KIF13A: variants seen among roughly 807,000 people sequenced by gnomAD.
The protein encoded by KIF13A is kinesin-like protein KIF13A.
A neutral mutation model predicts 212.2 loss-of-function variants in KIF13A; 79 were observed. The ratio of observed to expected loss-of-function variants is 0.37; its 90% CI spans 0.31 to 0.45. KIF13A has a LOEUF of 0.45. Among genes scored for constraint, KIF13A ranks in the 20% least tolerant of loss-of-function variants. The pLI is 1.00. For missense variants in KIF13A, 1,901 were observed against 2,209.0 expected (o/e 0.86, Z 2.79); for synonymous variants, 789 against 808.6 (o/e 0.98, Z 0.41).
At chr6:17,835,912 A>G (rs997787933) in intron 11 of KIF13A, among the ~76,000 whole-genome samples, 11 of 151,870 alleles carry the variant, frequency 7.2e-5, no homozygotes, top group African/African-American at 2.4e-4. Flanking sequence ...TACTCTCCCA[A>G]CTACAGTGGG....
intron 2 of KIF13A, among the ~76,000 whole-genome samples, chr6:17,923,274 C>CTAAA (rs34093488): frequency 0.011 from 1,614 of 145,502 alleles, 8 homozygotes; most frequent in Middle Eastern, 0.018. Context: ...AACACTGTCC[C>CTAAA]TAAATAAATA....
At chr6:17,913,290 TCA>T (rs1774232157) in intron 2 of KIF13A, among the ~76,000 whole-genome samples, 1 of 152,122 alleles carries the variant, frequency 6.6e-6, no homozygotes, top group Non-Finnish European at 1.5e-5. Flanking sequence ...TTTGGGAAAC[TCA>T]CAGAATTTTC....
At chr6:17,976,680 G>T (rs1355163393) in intron 2 of KIF13A, among the ~76,000 whole-genome samples, 1 of 152,196 alleles carries the variant, frequency 6.6e-6, no homozygotes, top group Non-Finnish European at 1.5e-5. Flanking sequence ...CCGCCAAAGT[G>T]GGAGCTCAGG....
chr6:17,915,299 A>G lies in KIF13A; in HGVS notation c.147-17119T>C, dbSNP rs1561756854. Reference sequence around the variant, plus strand: ...TCCATTCTTGCCTCCACCACTTTGTAGGGACCTTGGACCTGGTGCTTAAGC... The same window carrying G: ...TCCATTCTTGCCTCCACCACTTTGTGGGGACCTTGGACCTGGTGCTTAAGC... On this transcript the variant is annotated intron_variant, in intron 2 of 38. Coordinates refer to ENST00000259711, the MANE Select transcript of KIF13A (RefSeq NM_022113.6). This position sits in a 1 kb window ranked among gnomAD's most constrained non-coding sequence, Gnocchi z 4.4. Among the ~76,000 whole-genome samples, 1 of 152,190 alleles carries G rather than the reference A, an allele frequency of 6.6e-6. No homozygotes were observed.
rs894732130 is a variant in KIF13A, at chr6:17,975,533, T to C, written c.146+11521A>G. On this transcript the variant is annotated intron_variant, in intron 2 of 38. Transcript: ENST00000259711. ...AAAAGGGAGCAGCAACATAATTCAT[T>C]GCAAAGACCAAAAGAAAAAAAAGCT... Among the ~76,000 whole-genome samples, 4 of 152,120 alleles carry C rather than the reference T, an allele frequency of 2.6e-5. No homozygotes were observed. The South Asian group carries it at 8.3e-4, about 32-fold the overall frequency.
chr6:17,925,511 T>C (rs1775424018), intron 2 of KIF13A, among the ~76,000 whole-genome samples: 2 of 152,340 alleles, frequency 1.3e-5, no homozygotes, highest in East Asian at 1.9e-4. Context: ...TTATTCACTG[T>C]CTTGTGTGGA....
chr6:17,952,026 G>T (rs759793043), intron 2 of KIF13A, among the ~76,000 whole-genome samples: 2 of 152,030 alleles, frequency 1.3e-5, no homozygotes, highest in East Asian at 1.9e-4. Context: ...ATAGTTTGCC[G>T]GGCGTGGTGG....
At chr6:17,824,080 G>C (rs572992507) in intron 16 of KIF13A, among the ~76,000 whole-genome samples, 20 of 151,876 alleles carry the variant, frequency 1.3e-4, no homozygotes, top group African/African-American at 4.8e-4. Flanking sequence ...GCTAACTTTT[G>C]TATTTTTTGG....
chr6:17,770,061 G>C (rs1561949651), intron 38 of KIF13A, among the ~76,000 whole-genome samples: 1 of 152,154 alleles, frequency 6.6e-6, no homozygotes, highest in African/African-American at 2.4e-5. Context: ...GCACGCAGGT[G>C]GGTGGCCAAC....
At chr6:17,759,814 A>C (rs1758507197), downstream of KIF13A, 1 of 152,258 alleles carries the variant, frequency 6.6e-6, no homozygotes, top group Admixed American at 6.5e-5. Flanking sequence ...GAAACCTACC[A>C]ATCCAAAACA....
chr6:17,860,527 G>C (rs1768655399), intron 4 of KIF13A, among the ~76,000 whole-genome samples: 1 of 151,956 alleles, frequency 6.6e-6, no homozygotes, highest in African/African-American at 2.4e-5. Flanking sequence ...CTGCCAGATT[G>C]TGAAAACAGT....
rs747671719 is a variant in KIF13A, at chr6:17,856,014, A to G, written c.313+16T>C. 6 of 1,577,620 alleles carry G rather than the reference A, an allele frequency of 3.8e-6. No homozygotes were observed. In the African/African-American group the frequency reaches 5.4e-5, roughly 14 times the overall value. ...GCATGATCCCCCACATCTGGTCTAT[A>G]AAAGCAACTTCTTACCTGTCTGTCC... is the stretch of plus-strand genomic sequence containing the variant. On this transcript the variant is annotated intron_variant, in intron 5 of 38. Coordinates refer to ENST00000259711, the MANE Select transcript of KIF13A (RefSeq NM_022113.6). This position sits in a 1 kb window ranked among gnomAD's most constrained non-coding sequence, Gnocchi z 4.5.
intron 2 of KIF13A, among the ~76,000 whole-genome samples, chr6:17,939,818 G>A (rs1329197470): frequency 1.3e-5 from 2 of 152,058 alleles, no homozygotes; most frequent in African/African-American, 2.4e-5. Context: ...TTTGGGAGGC[G>A]GAGGCGGGTG....
Position 17,771,886 on chromosome 6 carries a change from T to C in KIF13A, c.4476+22A>G. 1.9e-6 allele frequency: 3 copies of C among 1,612,682 alleles called. No homozygotes were observed. Among genetic ancestry groups the C allele is most frequent in the Non-Finnish European group, 2.5e-6 (3 of 1,178,774 alleles). Reference sequence around the variant, plus strand: ...CACAACTCTGCTCTATTCTGCATAGTACAGACAAGTCAAGCATTTACCTCC... The same window carrying C: ...CACAACTCTGCTCTATTCTGCATAGCACAGACAAGTCAAGCATTTACCTCC... On this transcript the variant is annotated intron_variant, in intron 37 of 38. Transcript: ENST00000259711. The surrounding 1 kb of genome is among the most constrained non-coding windows in gnomAD (Gnocchi z 5.4).
chr6:17,821,758 C>T, intron 16 of KIF13A: 1 of 1,534,490 alleles, frequency 6.5e-7, no homozygotes, highest in South Asian at 1.2e-5. Context: ...GCCAAGCTCC[C>T]TCATGCCAAT....
intron 2 of KIF13A, among the ~76,000 whole-genome samples, chr6:17,903,189 A>G (rs9477555): frequency 0.69 from 104,528 of 152,078 alleles, 37,040 homozygotes; most frequent in Non-Finnish European, 0.78. Flanking sequence ...ATGCTGCTGA[A>G]CACAGTTAAA....
Position 17,794,940 on chromosome 6 carries a change from T to C in KIF13A, c.2943-236A>G. ...CTTGAGTATAGAGCTCGATGAGTTT[T>C]GAGAAATGCACATATGAGTGTAACC... On this transcript the variant is annotated intron_variant, in intron 23 of 38. Coordinates refer to ENST00000259711, the MANE Select transcript of KIF13A (RefSeq NM_022113.6). The surrounding 1 kb of genome is among the most constrained non-coding windows in gnomAD (Gnocchi z 4.1). 1 of 465,150 alleles carries C rather than the reference T, an allele frequency of 2.1e-6. No homozygotes were observed. The highest frequency in any genetic ancestry group is 3.5e-5 in the East Asian group (1 of 28,564). 28.8% of individuals were successfully genotyped at this position (465,150 alleles called of 1,614,324 possible).
intron 2 of KIF13A, among the ~76,000 whole-genome samples, chr6:17,917,707 G>A (rs1028782159): frequency 3.3e-5 from 5 of 152,076 alleles, no homozygotes; most frequent in African/African-American, 1.2e-4. Context: ...CCTTAACAAC[G>A]TAGCTAACTT....
At position 17,898,882 on chromosome 6, in the gene KIF13A, A is replaced by G. The variant is rs969531288; in HGVS notation, c.147-702T>C. Among the ~76,000 whole-genome samples the G allele has an allele frequency of 6.6e-6, 1 of 152,086 alleles. No individual in the cohort carries two copies. Among genetic ancestry groups the G allele is most frequent in the African/African-American group, 2.4e-5 (1 of 41,422 alleles). On this transcript the variant is annotated intron_variant, in intron 2 of 38. Coordinates refer to ENST00000259711, the MANE Select transcript of KIF13A (RefSeq NM_022113.6). The surrounding 1 kb of genome is among the most constrained non-coding windows in gnomAD (Gnocchi z 5.2). ...ATGGGGTCTCACTTGGTTGTTCAGGATGGAGTGCAGTGATGTGATCATGGC... is the reference window on the plus strand; with the variant it reads ...ATGGGGTCTCACTTGGTTGTTCAGGGTGGAGTGCAGTGATGTGATCATGGC...
Sources: gnomAD v4.1 joint callset for allele counts (sites outside exome capture counted in the v4.1 genomes callset) on GRCh38, gnomAD v4.1.1 for gene constraint, Gnocchi (gnomAD v3.1) non-coding constraint, MANE v1.5 for transcripts, NCBI Gene and HGNC (gene_info 2026-07-23, HGNC 2026-07-21) for gene names.